Variants in SECISBP2 observed in about 807,000 individuals in gnomAD.
SECISBP2 encodes selenocysteine insertion sequence-binding protein 2.
Under a neutral mutation model 98.2 loss-of-function variants are expected in SECISBP2, and 96 were observed. The ratio of observed to expected loss-of-function variants is 0.98; its 90% CI spans 0.83 to 1.16. The LOEUF (loss-of-function observed/expected upper bound fraction) is 1.16. Among genes scored for constraint, SECISBP2 ranks in the 50% most tolerant of loss-of-function variants. The pLI, the probability that SECISBP2 is intolerant of heterozygous loss-of-function variation, is 0.00. For synonymous variants in SECISBP2, 407 were observed against 370.2 expected (o/e 1.10, Z -1.14); for missense variants, 1,046 against 1,022.9 (o/e 1.02, Z -0.31).
chr9:89,349,801 C>G lies in SECISBP2; in HGVS notation c.1764C>G (p.Ile588Met). 1.2e-6 allele frequency: 2 copies of G among 1,614,202 alleles called. No homozygotes were observed. The highest frequency in any genetic ancestry group is 1.7e-6 in the Non-Finnish European group (2 of 1,180,038). The change falls in exon 13 of 17, where the codon ATC becomes ATG. Residue 588 changes from isoleucine (I) to methionine (M), a missense_variant. Coordinates refer to ENST00000375807, the MANE Select transcript of SECISBP2 (RefSeq NM_024077.5). Reference protein sequence around the residue: ...LSGPEGMDELISTPSVEDKSE... With the variant: ...LSGPEGMDELMSTPSVEDKSE... ...GGCCAGAGGGGATGGACGAACTGAT[C>G]TCCACTCCTTCGGTTGAGGACAAGT...
chr9:89,318,862 T>G, intron 1 of SECISBP2: 1 of 1,261,806 alleles, frequency 7.9e-7, no homozygotes, highest in Non-Finnish European at 1.0e-6. Flanking sequence ...CCCAGCGCAG[T>G]GACTGCGGCC....
intron 14 of SECISBP2, among the ~76,000 whole-genome samples, chr9:89,352,849 T>C (rs1201833248): frequency 6.6e-6 from 1 of 152,156 alleles, no homozygotes; most frequent in East Asian, 1.9e-4. Flanking sequence ...CTTTTTTTTT[T>C]TTAATCACGT....
intron 4 of SECISBP2, among the ~76,000 whole-genome samples, chr9:89,327,810 G>A (rs993661821): frequency 1.8e-4 from 27 of 146,008 alleles, no homozygotes; most frequent in African/African-American, 6.5e-4. Flanking sequence ...TTGTCGTTTT[G>A]TGTTTTTTTT....
At chr9:89,331,401 T>A (rs796469063) in intron 5 of SECISBP2, among the ~76,000 whole-genome samples, 4 of 152,356 alleles carry the variant, frequency 2.6e-5, no homozygotes, top group African/African-American at 7.2e-5. Flanking sequence ...TGTTTTAATA[T>A]TATTTTTTAT....
In SECISBP2 at chr9:89,358,942, T is replaced by C. The variant is rs1239264683; in HGVS notation, c.*118T>C. 3 of 729,372 alleles carry C rather than the reference T, an allele frequency of 4.1e-6. No homozygotes were observed. The highest frequency in any genetic ancestry group is 7.3e-6 in the Non-Finnish European group (3 of 411,998). 45.2% of individuals were successfully genotyped at this position (729,372 alleles called of 1,614,324 possible). A position where few individuals can be genotyped will look rare whatever the true frequency, so the allele number is the denominator to read the frequency against. On this transcript the variant is annotated 3_prime_UTR_variant, in exon 17 of 17. Transcript: ENST00000375807. ...TTTGTGTAACTGTTGAATCTGGAAATTGATCAGCATTAAAGGGCACATGAA... is the reference window on the plus strand; with the variant it reads ...TTTGTGTAACTGTTGAATCTGGAAACTGATCAGCATTAAAGGGCACATGAA...
At chr9:89,363,300 A>G (rs1487929887), downstream of SECISBP2, 21 of 1,364,042 alleles carry the variant, frequency 1.5e-5, 1 homozygote, top group Non-Finnish European at 1.8e-5. Flanking sequence ...CATAAAGGAA[A>G]CTGCTCCGGG....
downstream of SECISBP2, chr9:89,363,791 G>A (rs1486599036): frequency 2.5e-6 from 4 of 1,613,824 alleles, no homozygotes; most frequent in South Asian, 2.2e-5. Flanking sequence ...CCCTGCTGAG[G>A]AGAGGACAGA....
intron 1 of SECISBP2, 109 bp downstream of exon 1, chr9:89,318,721 C>T (rs1825136082): frequency 4.0e-6 from 5 of 1,253,180 alleles, no homozygotes; most frequent in African/African-American, 1.6e-5. Flanking sequence ...GGGTCGGATG[C>T]TGGTGACGGC....
chr9:89,348,499 T>A (rs937696055), intron 12 of SECISBP2, among the ~76,000 whole-genome samples: 6 of 152,188 alleles, frequency 3.9e-5, no homozygotes, highest in Non-Finnish European at 8.8e-5. Flanking sequence ...TAACTTGAAG[T>A]GGTCATGAGA....
chr9:89,347,571 C>T (rs1299709348), intron 11 of SECISBP2, among the ~76,000 whole-genome samples: 2 of 151,470 alleles, frequency 1.3e-5, no homozygotes, highest in Admixed American at 6.6e-5. Context: ...CTCCACCTCC[C>T]GGGTTCAAGC....
chr9:89,362,306 T>C, downstream of SECISBP2: 2 of 1,605,772 alleles, frequency 1.2e-6, no homozygotes, highest in Non-Finnish European at 1.7e-6. Flanking sequence ...CAGTTCACAG[T>C]TGTGGGGGAC....
intron 8 of SECISBP2, among the ~76,000 whole-genome samples, chr9:89,339,260 G>C (rs1829281801): frequency 6.6e-6 from 1 of 152,206 alleles, no homozygotes; most frequent in South Asian, 2.1e-4. Context: ...GACTTGGGGT[G>C]GGGGTTCCCA....
At chr9:89,355,056 C>T (rs1414969985) in intron 14 of SECISBP2, 67 of 985,190 alleles carry the variant, frequency 6.8e-5, no homozygotes, top group Non-Finnish European at 8.0e-5. Context: ...AGATCAGGGG[C>T]AGGGTGTGGG....
chr9:89,358,889 T>C lies in SECISBP2; in HGVS notation c.*65T>C. On this transcript the variant is annotated 3_prime_UTR_variant, in exon 17 of 17. Coordinates refer to ENST00000375807, the MANE Select transcript of SECISBP2 (RefSeq NM_024077.5). The stretch of plus-strand genomic sequence containing the variant: ...GAGGTCTGAAAAAGACTTTGGGGCT[T>C]TTTCTTCTGTTTTTCATGACAATGT... 1.1e-6 allele frequency: 1 copy of C among 923,540 alleles called. No homozygotes were observed. The allele number at this position is 923,540 out of a possible 1,614,324, so 57.2% of individuals were successfully genotyped here.
intron 7 of SECISBP2, 71 bp downstream of exon 7, chr9:89,334,801 T>C: frequency 9.0e-7 from 1 of 1,109,412 alleles, no homozygotes; most frequent in Non-Finnish European, 1.4e-6. Flanking sequence ...AATGAGAAGT[T>C]ATTTATTAAT....
rs375610803 is a variant in SECISBP2 at position 89,328,690 on chromosome 9, C to A, written c.605C>A (p.Ser202Tyr). ...DGYHKRTDRKSRIIAKNVSTS... is the reference protein window; with the variant it reads ...DGYHKRTDRKYRIIAKNVSTS... ...TACCATAAGCGAACAGACAGGAAAT[C>A]CAGAATCATTGCAAAAAATGTATCT... The change falls in exon 5 of 17, where the codon TCC becomes TAC. Residue 202 changes from serine (S) to tyrosine (Y), a missense_variant. Coordinates refer to ENST00000375807, the MANE Select transcript of SECISBP2 (RefSeq NM_024077.5). 25 of 1,614,052 alleles carry A rather than the reference C, an allele frequency of 1.5e-5. No homozygotes were observed. Among genetic ancestry groups the A allele is most frequent in the Middle Eastern group, 1.6e-4 (1 of 6,062 alleles).
intron 5 of SECISBP2, chr9:89,330,442 TAAAG>T (rs997011966): frequency 2.0e-5 from 3 of 152,226 alleles, no homozygotes; most frequent in African/African-American, 7.2e-5. Context: ...AGAAGAAAGA[TAAAG>T]AAAACAGGCC....
intron 4 of SECISBP2, among the ~76,000 whole-genome samples, chr9:89,326,703 A>G (rs1435782952): frequency 6.6e-6 from 1 of 152,164 alleles, no homozygotes; most frequent in Admixed American, 6.5e-5. Context: ...TGATTTCGTC[A>G]TTGTGGGAAC....
At chr9:89,350,254 G>A (rs1831076564) in intron 13 of SECISBP2, among the ~76,000 whole-genome samples, 1 of 152,188 alleles carries the variant, frequency 6.6e-6, no homozygotes. Context: ...GTCTTAGGCA[G>A]CAGGATTCCT....
Sources: allele counts gnomAD v4.1 joint callset (sites outside exome capture counted in the v4.1 genomes callset), GRCh38; gene constraint gnomAD v4.1.1; transcripts MANE v1.5; gene names NCBI Gene and HGNC (gene_info 2026-07-23, HGNC 2026-07-21).